HS2ST1: variants seen among roughly 807,000 people sequenced by gnomAD.
HS2ST1 encodes 2-O-sulfotransferase.
Under a neutral mutation model 42.9 loss-of-function variants are expected in HS2ST1, and 18 were observed. The observed-to-expected ratio is 0.42, with a 90% confidence interval of 0.29 to 0.62. HS2ST1 has a LOEUF of 0.62. HS2ST1 is among the 20% of genes least tolerant of loss of function. The pLI, the probability that HS2ST1 is intolerant of heterozygous loss-of-function variation, is 0.21. For synonymous variants in HS2ST1, 146 were observed against 152.9 expected (o/e 0.95, Z 0.33); for missense variants, 334 against 433.8 (o/e 0.77, Z 2.04).
rs148023492 is a variant in HS2ST1 at position 86,950,360 on chromosome 1, A to ATAGG, written c.124+35220_124+35223dup. On this transcript the variant is annotated intron_variant, in intron 1 of 6. Transcript: ENST00000370550. ...ACTAGATAGATACATGGGTAGATAG[A>ATAGG]TAGGTAGGTAGGTAGGTAGGTAGAT... is the stretch of plus-strand genomic sequence containing the variant. 1.4e-3 allele frequency among the ~76,000 whole-genome samples: 209 copies of ATAGG among 151,954 alleles called. 1 individual carries two copies. Among genetic ancestry groups the ATAGG allele is most frequent in the African/African-American group, 4.5e-3 (187 of 41,346 alleles).
intron 3 of HS2ST1, among the ~76,000 whole-genome samples, chr1:87,089,970 A>G (rs957763242): frequency 1.3e-5 from 2 of 152,070 alleles, no homozygotes; most frequent in Admixed American, 6.6e-5. Context: ...GGAATGGCTC[A>G]GGATGGAGCA....
chr1:86,937,880 T>G (rs1048056061), intron 1 of HS2ST1, among the ~76,000 whole-genome samples: 1 of 152,132 alleles, frequency 6.6e-6, no homozygotes, highest in Non-Finnish European at 1.5e-5. Context: ...TTCAGTAATT[T>G]AGATGAGGTA....
At chr1:87,057,939 G>A (rs2100620037) in intron 1 of HS2ST1, among the ~76,000 whole-genome samples, 1 of 151,814 alleles carries the variant, frequency 6.6e-6, no homozygotes, top group South Asian at 2.1e-4. Flanking sequence ...AAATAGGATT[G>A]TGGGAGAATA....
chr1:87,004,460 A>G (rs1254895291), intron 1 of HS2ST1, among the ~76,000 whole-genome samples: 1 of 152,152 alleles, frequency 6.6e-6, no homozygotes, highest in Non-Finnish European at 1.5e-5. Flanking sequence ...TTTTTTACAC[A>G]AAAGTCTATT....
intron 1 of HS2ST1, among the ~76,000 whole-genome samples, chr1:86,993,523 T>C (rs1649017716): frequency 6.6e-6 from 1 of 152,252 alleles, no homozygotes; most frequent in Non-Finnish European, 1.5e-5. Flanking sequence ...ATGTTTACTA[T>C]ATGACTCAGC....
intron 1 of HS2ST1, among the ~76,000 whole-genome samples, chr1:86,999,977 A>G (rs1294244218): frequency 6.6e-6 from 1 of 152,194 alleles, no homozygotes; most frequent in Non-Finnish European, 1.5e-5. Flanking sequence ...AAAAAAAGGG[A>G]GAAAATAGTT....
rs114572823 is a variant in HS2ST1 at position 86,933,339 on chromosome 1, G to A, written c.124+18179G>A. Among the ~76,000 whole-genome samples the A allele has an allele frequency of 4.8e-3, 732 of 152,198 alleles. 3 individuals are homozygous for A. Among genetic ancestry groups the A allele is most frequent in the Non-Finnish European group, 7.5e-3 (513 of 67,984 alleles). On this transcript the variant is annotated intron_variant, in intron 1 of 6. Transcript: ENST00000370550. The stretch of plus-strand genomic sequence containing the variant: ...TTGTCCAACAGTTCTTAAATATTCT[G>A]TTACTTTTTAAAAAAATTCTTTTTG...
At chr1:87,005,942 C>G (rs559693675) in intron 1 of HS2ST1, among the ~76,000 whole-genome samples, 17 of 152,096 alleles carry the variant, frequency 1.1e-4, no homozygotes, top group African/African-American at 3.9e-4. Flanking sequence ...AGAAAATATC[C>G]TCATTACATT....
At chr1:86,946,256 C>A (rs566872095) in intron 1 of HS2ST1, among the ~76,000 whole-genome samples, 1 of 152,136 alleles carries the variant, frequency 6.6e-6, no homozygotes, top group African/African-American at 2.4e-5. Context: ...TTTACTGCAA[C>A]TGGTAGCATG....
At chr1:86,923,197 A>G (rs1660336188) in intron 1 of HS2ST1, among the ~76,000 whole-genome samples, 1 of 152,130 alleles carries the variant, frequency 6.6e-6, no homozygotes, top group Non-Finnish European at 1.5e-5. Flanking sequence ...TTAAAAAATT[A>G]TGTATCATTT....
intron 1 of HS2ST1, among the ~76,000 whole-genome samples, chr1:86,946,544 T>C (rs1224846172): frequency 6.6e-6 from 1 of 152,208 alleles, no homozygotes; most frequent in Non-Finnish European, 1.5e-5. Flanking sequence ...GGGTAAGATA[T>C]AGATGGTCGC....
At chr1:87,008,733 C>T (rs1404720459) in intron 1 of HS2ST1, among the ~76,000 whole-genome samples, 1 of 152,098 alleles carries the variant, frequency 6.6e-6, no homozygotes, top group Non-Finnish European at 1.5e-5. Context: ...TTTCACAAGC[C>T]CCATTACAGT....
chr1:86,975,602 G>A (rs916510536), intron 1 of HS2ST1, among the ~76,000 whole-genome samples: 3 of 152,124 alleles, frequency 2.0e-5, no homozygotes, highest in South Asian at 2.1e-4. Context: ...ATAAAATTTT[G>A]TTGATATCAA....
Position 86,915,127 on chromosome 1 carries a change from A to T in HS2ST1, c.91A>T (p.Ile31Phe). The T allele has an allele frequency of 6.2e-7, 1 of 1,613,930 alleles. No homozygotes were observed. Among genetic ancestry groups the T allele is most frequent in the Non-Finnish European group, 8.5e-7 (1 of 1,179,932 alleles). Residue 31 changes from isoleucine to phenylalanine, a missense_variant, in exon 1 of 7, where the codon ATC (isoleucine) becomes TTC (phenylalanine). Physicochemically the swap from Ile to Phe is conservative, Grantham distance 21. Transcript: ENST00000370550. The stretch of plus-strand genomic sequence containing the variant: ...GGCGATGCTCTTCTTGGAAAACCAG[A>T]TCCAGAAACTGGAGGAGTCCCGCTC... Reference protein sequence around the residue: ...AVAMLFLENQIQKLEESRSKL... With the variant: ...AVAMLFLENQFQKLEESRSKL...
chr1:87,025,975 A>G (rs1650077699), intron 1 of HS2ST1, among the ~76,000 whole-genome samples: 1 of 152,218 alleles, frequency 6.6e-6, no homozygotes, highest in African/African-American at 2.4e-5. Context: ...GGCTGTTTCT[A>G]TGATTTAAAA....
intron 1 of HS2ST1, among the ~76,000 whole-genome samples, chr1:86,995,286 C>G (rs905037072): frequency 1.3e-5 from 2 of 152,124 alleles, no homozygotes; most frequent in Admixed American, 1.3e-4. Context: ...ATTAACATAT[C>G]TGTGTAAAAA....
chr1:86,977,568 C>T (rs574361300), intron 1 of HS2ST1, among the ~76,000 whole-genome samples: 90 of 152,140 alleles, frequency 5.9e-4, no homozygotes, highest in Non-Finnish European at 1.2e-3. Context: ...GTCATCTGAG[C>T]ATATGGAAGA....
At chr1:86,979,326 C>T (rs920507383) in intron 1 of HS2ST1, among the ~76,000 whole-genome samples, 3 of 152,158 alleles carry the variant, frequency 2.0e-5, no homozygotes, top group African/African-American at 7.2e-5. Context: ...TCATGTCAAA[C>T]TCAAACTCTG....
At chr1:87,060,119 A>G (rs1284895003) in intron 1 of HS2ST1, among the ~76,000 whole-genome samples, 3 of 152,056 alleles carry the variant, frequency 2.0e-5, no homozygotes, top group Non-Finnish European at 4.4e-5. Context: ...GTGGTTTTTT[A>G]TAACTTTAAA....
Sources: allele counts gnomAD v4.1 joint callset (sites outside exome capture counted in the v4.1 genomes callset), GRCh38; gene constraint gnomAD v4.1.1; transcripts MANE v1.5; gene names NCBI Gene and HGNC (gene_info 2026-07-23, HGNC 2026-07-21).